Variants in UGGT2 observed in about 807,000 individuals in gnomAD.
UGGT2 encodes the protein UDP-glucose:glycoprotein glucosyltransferase 2.
In UGGT2, 180 loss-of-function variants were observed where a neutral mutation model predicts 192.1. The ratio of observed to expected loss-of-function variants is 0.94; its 90% CI spans 0.83 to 1.06. UGGT2 has a LOEUF of 1.06. Among genes scored for constraint, UGGT2 ranks in the 50% least tolerant of loss-of-function variants. The pLI, the probability that UGGT2 is intolerant of heterozygous loss-of-function variation, is 0.00. For missense variants in UGGT2, 1,849 were observed against 1,795.7 expected (o/e 1.03, Z -0.54); for synonymous variants, 580 against 591.0 (o/e 0.98, Z 0.27).
At chr13:95,942,331 T>C (rs1393956493) in intron 15 of UGGT2, among the ~76,000 whole-genome samples, 1 of 151,566 alleles carries the variant, frequency 6.6e-6, no homozygotes, top group African/African-American at 2.4e-5. Context: ...CAGATTGTTT[T>C]TCAGTGTGGC....
intron 20 of UGGT2, among the ~76,000 whole-genome samples, chr13:95,923,662 A>T (rs2048921440): frequency 1.3e-5 from 2 of 152,378 alleles, no homozygotes; most frequent in South Asian, 4.1e-4. Flanking sequence ...GCAAAAAAAC[A>T]AAACCACCTG....
At chr13:95,987,125 C>G (rs1329313286) in intron 8 of UGGT2, among the ~76,000 whole-genome samples, 1 of 152,114 alleles carries the variant, frequency 6.6e-6, no homozygotes, top group African/African-American at 2.4e-5. Context: ...ACCACTGAAC[C>G]TAACCATCTG....
At chr13:95,835,108 A>G (rs182560791) in intron 37 of UGGT2, among the ~76,000 whole-genome samples, 19 of 152,322 alleles carry the variant, frequency 1.2e-4, no homozygotes, top group Middle Eastern at 3.4e-3. Flanking sequence ...TTGAGTATTC[A>G]AAATCTGGTG....
At chr13:95,874,042 T>A (rs1891447566) in intron 29 of UGGT2, among the ~76,000 whole-genome samples, 1 of 152,200 alleles carries the variant, frequency 6.6e-6, no homozygotes, top group South Asian at 2.1e-4. Context: ...GCCACTCCAG[T>A]ACTGGAACTC....
intron 15 of UGGT2, among the ~76,000 whole-genome samples, chr13:95,943,006 G>T (rs570682505): frequency 1.3e-5 from 2 of 152,184 alleles, no homozygotes; most frequent in East Asian, 1.9e-4. Flanking sequence ...CACAGTTGTT[G>T]TAAGTCCACT....
At chr13:95,979,548 C>CAAAAAAAAAAAAAAAAAAAAA (rs57487353) in intron 10 of UGGT2, among the ~76,000 whole-genome samples, 1 of 98,804 alleles carries the variant, frequency 1.0e-5, no homozygotes, top group African/African-American at 3.6e-5. Flanking sequence ...GTCTCTTACG[C>CAAAAAAAAAAAAAAAAAAAAA]AAAAAAAAAA....
chr13:95,898,165 C>T (rs2048000731), intron 22 of UGGT2, among the ~76,000 whole-genome samples: 1 of 152,108 alleles, frequency 6.6e-6, no homozygotes, highest in African/African-American at 2.4e-5. Flanking sequence ...ACTGCATTAT[C>T]TCCCAACTGG....
intron 15 of UGGT2, among the ~76,000 whole-genome samples, chr13:95,946,663 G>A (rs976208890): frequency 7.9e-5 from 12 of 152,226 alleles, no homozygotes; most frequent in Non-Finnish European, 1.6e-4. Flanking sequence ...GAGCCACTGT[G>A]CCCAGCCTGC....
intron 20 of UGGT2, among the ~76,000 whole-genome samples, chr13:95,903,731 G>T (rs985593564): frequency 6.6e-6 from 1 of 152,062 alleles, no homozygotes; most frequent in Non-Finnish European, 1.5e-5. Context: ...CTGGACATCT[G>T]AGTTTCTTCC....
intron 38 of UGGT2, among the ~76,000 whole-genome samples, chr13:95,817,731 AT>A (rs1418006870): frequency 6.6e-6 from 1 of 152,222 alleles, no homozygotes; most frequent in Non-Finnish European, 1.5e-5. Context: ...ATTCTAAAAA[AT>A]AGCAAAGATT....
At chr13:95,999,153 A>C in intron 6 of UGGT2, 58 bp downstream of exon 6, 1 of 1,422,586 alleles carries the variant, frequency 7.0e-7, no homozygotes, top group Admixed American at 1.8e-5. Flanking sequence ...TAAAAAACTA[A>C]AGTATGTAAA....
At chr13:95,985,440 AAT>A (rs1183978310) in intron 9 of UGGT2, 3 of 312,410 alleles carry the variant, frequency 9.6e-6, no homozygotes. Flanking sequence ...AAAATTAAAG[AAT>A]ACATATATTG....
intron 10 of UGGT2, among the ~76,000 whole-genome samples, chr13:95,979,278 T>G (rs1390560587): frequency 3.9e-5 from 6 of 152,150 alleles, no homozygotes; most frequent in Admixed American, 6.6e-5. Context: ...TTAAAGCAGT[T>G]GTCTCCTAAA....
chr13:95,929,612 G>A (rs907206195), intron 17 of UGGT2, among the ~76,000 whole-genome samples: 1 of 152,192 alleles, frequency 6.6e-6, no homozygotes, highest in African/African-American at 2.4e-5. Flanking sequence ...TTGCTCCAAA[G>A]GGGACGATTT....
rs9556513 is a variant in UGGT2, at chr13:95,947,191, C to T, written c.1542-19G>A. 0.4 allele frequency: 618,252 copies of T among 1,558,928 alleles called. 125,584 individuals are homozygous for T. The highest frequency in any genetic ancestry group is 0.45 in the Middle Eastern group (2,606 of 5,848). ...ACCAATTCTGGAAAAAGAAGATGAA[C>T]AAGGACTGTTATAATTACCTCTTGA... On this transcript the variant is annotated intron_variant, in intron 14 of 38. Coordinates refer to ENST00000376747, the MANE Select transcript of UGGT2 (RefSeq NM_020121.4).
At chr13:95,972,390 G>C (rs1594476219) in intron 11 of UGGT2, among the ~76,000 whole-genome samples, 190 bp downstream of exon 11, 2 of 152,280 alleles carry the variant, frequency 1.3e-5, no homozygotes, top group East Asian at 3.9e-4. Context: ...TATCTTGACT[G>C]TTTCTCCCAG....
intron 29 of UGGT2, among the ~76,000 whole-genome samples, chr13:95,873,183 A>T (rs1333487381): frequency 6.6e-6 from 1 of 152,222 alleles, no homozygotes; most frequent in Non-Finnish European, 1.5e-5. Context: ...AAAAAGCTGA[A>T]ACAAAGCATG....
At chr13:95,881,271 G>A (rs2047487101) in intron 27 of UGGT2, among the ~76,000 whole-genome samples, 2 of 152,178 alleles carry the variant, frequency 1.3e-5, no homozygotes, top group Admixed American at 1.3e-4. Context: ...GGGTATCTTA[G>A]AACAAATCCC....
chr13:95,895,596 A>ATGATTTGAAACATAAATCATAAATCG, intron 22 of UGGT2, among the ~76,000 whole-genome samples: 1 of 152,076 alleles, frequency 6.6e-6, no homozygotes, highest in Non-Finnish European at 1.5e-5. Context: ...ATCATAAATC[A>ATGATTTGAAACATAAATCATAAATCG]TGATTTGAAA....
Sources: allele counts gnomAD v4.1 joint callset (sites outside exome capture counted in the v4.1 genomes callset), GRCh38; gene constraint gnomAD v4.1.1; transcripts MANE v1.5; gene names NCBI Gene and HGNC (gene_info 2026-07-23, HGNC 2026-07-21).